The following EPM2A variants were observed in gnomAD, a reference collection of about 807,000 sequenced individuals.
EPM2A encodes the protein laforin.
EPM2A carries 21 observed loss-of-function variants against 26.5 expected under a neutral mutation model. The observed-to-expected ratio is 0.79, with a 90% confidence interval of 0.56 to 1.14. The LOEUF (loss-of-function observed/expected upper bound fraction) is 1.14. EPM2A is among the 50% of genes most tolerant of loss of function. The pLI is 0.00. For missense variants in EPM2A, 458 were observed against 440.8 expected (o/e 1.04, Z -0.35); for synonymous variants, 217 against 177.6 (o/e 1.22, Z -1.76).
intron 1 of EPM2A, among the ~76,000 whole-genome samples, chr6:145,711,531 T>C (rs569872816): frequency 4.6e-5 from 7 of 152,096 alleles, no homozygotes; most frequent in Non-Finnish European, 8.8e-5. Context: ...GAAGAGAGAT[T>C]AGAGCTAGAG....
chr6:145,395,899 G>A (rs888183243), intron 4 of EPM2A, among the ~76,000 whole-genome samples: 1 of 152,060 alleles, frequency 6.6e-6, no homozygotes, highest in Non-Finnish European at 1.5e-5. Flanking sequence ...TCAAGCCCTC[G>A]GCCAGGTGCC....
chr6:145,418,535 G>A (rs1778738731), intron 4 of EPM2A, among the ~76,000 whole-genome samples: 1 of 152,182 alleles, frequency 6.6e-6, no homozygotes, highest in African/African-American at 2.4e-5. Flanking sequence ...CTATTGGAAT[G>A]AGACTTCTCT....
intron 2 of EPM2A, among the ~76,000 whole-genome samples, chr6:145,647,684 G>A (rs747548192): frequency 1.3e-5 from 2 of 151,990 alleles, no homozygotes; most frequent in African/African-American, 2.4e-5. Context: ...AGGCAGGAAG[G>A]AAGGAAGGGA....
At chr6:145,541,366 G>A (rs576229652) in intron 2 of EPM2A, among the ~76,000 whole-genome samples, 4 of 147,492 alleles carry the variant, frequency 2.7e-5, no homozygotes, top group South Asian at 2.2e-4. Flanking sequence ...ATATATGATC[G>A]GTGTTCTATA....
At chr6:145,712,077 A>T (rs183018764) in intron 1 of EPM2A, among the ~76,000 whole-genome samples, 1 of 152,170 alleles carries the variant, frequency 6.6e-6, no homozygotes, top group Admixed American at 6.6e-5. Context: ...CAGGTGGAAG[A>T]ATGGTGAAAT....
chr6:145,470,148 T>A (rs891681378), intron 4 of EPM2A, among the ~76,000 whole-genome samples: 1 of 152,114 alleles, frequency 6.6e-6, no homozygotes, highest in Non-Finnish European at 1.5e-5. Flanking sequence ...AATAATTTAT[T>A]GTATATTTTA....
intron 1 of EPM2A, among the ~76,000 whole-genome samples, chr6:145,713,747 A>C (rs1175596239): frequency 1.3e-5 from 2 of 152,214 alleles, no homozygotes; most frequent in Non-Finnish European, 2.9e-5. Context: ...TACATACCCA[A>C]TACAAGTAAA....
chr6:145,664,710 AT>A (rs1779023724), intron 2 of EPM2A, among the ~76,000 whole-genome samples: 2 of 152,096 alleles, frequency 1.3e-5, no homozygotes, highest in African/African-American at 4.8e-5. Context: ...CAGAATATAC[AT>A]TTTTTTCAGC....
At chr6:145,558,418 A>C (rs533081661) in intron 2 of EPM2A, among the ~76,000 whole-genome samples, 1 of 152,138 alleles carries the variant, frequency 6.6e-6, no homozygotes, top group Non-Finnish European at 1.5e-5. Flanking sequence ...TCTGTTTGAC[A>C]TACTGATTTC....
chr6:145,724,667 T>C (rs949040408), intron 1 of EPM2A, among the ~76,000 whole-genome samples: 9 of 151,990 alleles, frequency 5.9e-5, no homozygotes, highest in African/African-American at 1.9e-4. Flanking sequence ...ACCAGACATA[T>C]AGAACTGAAT....
At chr6:145,682,265 C>T (rs702313) in intron 2 of EPM2A, 59,231 of 151,988 alleles carry the variant, frequency 0.39, 14,105 homozygotes, top group Non-Finnish European at 0.52. Context: ...TTCACTATCA[C>T]GAGAACAGTA....
chr6:145,467,985 G>T (rs1257946712), intron 4 of EPM2A, among the ~76,000 whole-genome samples: 1 of 151,570 alleles, frequency 6.6e-6, no homozygotes, highest in African/African-American at 2.4e-5. Context: ...TTTCTAAGTA[G>T]GTAATCACAT....
At chr6:145,390,928 A>G (rs1778329123) in intron 4 of EPM2A, among the ~76,000 whole-genome samples, 1 of 152,126 alleles carries the variant, frequency 6.6e-6, no homozygotes, top group Non-Finnish European at 1.5e-5. Flanking sequence ...CAAGTTGCCC[A>G]ATTGAACTTG....
At chr6:145,700,475 A>G (rs1781850135) in intron 1 of EPM2A, among the ~76,000 whole-genome samples, 1 of 152,146 alleles carries the variant, frequency 6.6e-6, no homozygotes, top group African/African-American at 2.4e-5. Flanking sequence ...CATCTATATC[A>G]GTATTAGTCT....
At chr6:145,697,908 T>C (rs754498473) in intron 1 of EPM2A, among the ~76,000 whole-genome samples, 39 of 152,138 alleles carry the variant, frequency 2.6e-4, no homozygotes, top group Non-Finnish European at 5.1e-4. Flanking sequence ...TGAGGCGACA[T>C]ACATCCTCCT....
chr6:145,542,978 C>T (rs547195624), intron 2 of EPM2A, among the ~76,000 whole-genome samples: 1 of 152,152 alleles, frequency 6.6e-6, no homozygotes, highest in East Asian at 1.9e-4. Flanking sequence ...AGGTGGGTCT[C>T]GAAATCTTGA....
At chr6:145,638,888 C>T (rs553093259) in intron 2 of EPM2A, 27 of 152,262 alleles carry the variant, frequency 1.8e-4, no homozygotes, top group Admixed American at 1.6e-3. Flanking sequence ...TAACAAGATA[C>T]ATGATATGCT....
chr6:145,619,294 C>T (rs929110433), intron 2 of EPM2A, among the ~76,000 whole-genome samples: 16 of 152,112 alleles, frequency 1.1e-4, no homozygotes, highest in East Asian at 3.8e-4. Flanking sequence ...TTACTATAGA[C>T]GATGATTGAG....
intron 4 of EPM2A, among the ~76,000 whole-genome samples, chr6:145,439,825 G>C (rs1582756479): frequency 6.6e-6 from 1 of 152,218 alleles, no homozygotes; most frequent in South Asian, 2.1e-4. Flanking sequence ...AACTTATATA[G>C]GTCCCATTTG....
Sources: gnomAD v4.1 joint callset for allele counts (sites outside exome capture counted in the v4.1 genomes callset) on GRCh38, gnomAD v4.1.1 for gene constraint, MANE v1.5 for transcripts, NCBI Gene and HGNC (gene_info 2026-07-23, HGNC 2026-07-21) for gene names.